The following LRMDA variants were observed in gnomAD, a reference collection of about 807,000 sequenced individuals.
The protein encoded by LRMDA is leucine-rich melanocyte differentiation-associated protein.
Under a neutral mutation model 29.8 loss-of-function variants are expected in LRMDA, and 18 were observed. The ratio of observed to expected loss-of-function variants is 0.60; its 90% confidence interval spans 0.42 to 0.90. The LOEUF is 0.90. LRMDA is among the 40% of genes least tolerant of loss of function. LRMDA has a pLI of 0.00. For synonymous variants in LRMDA, 125 were observed against 109.4 expected (o/e 1.14, Z -0.89); for missense variants, 273 against 273.9 (o/e 1.00, Z 0.02).
intron 2 of LRMDA, among the ~76,000 whole-genome samples, chr10:75,925,697 C>T (rs1388990181): frequency 5.8e-5 from 8 of 138,076 alleles, no homozygotes; most frequent in South Asian, 5.0e-4. Flanking sequence ...GACAGAGTCT[C>T]GCTGGAGTGC....
At chr10:76,162,976 C>T (rs761229023) in intron 5 of LRMDA, among the ~76,000 whole-genome samples, 2 of 152,116 alleles carry the variant, frequency 1.3e-5, no homozygotes, top group Non-Finnish European at 2.9e-5. Context: ...TGCTATAATT[C>T]CAGATTTTAA....
At chr10:75,890,506 C>T (rs1040807620) in intron 2 of LRMDA, among the ~76,000 whole-genome samples, 2 of 145,508 alleles carry the variant, frequency 1.4e-5, no homozygotes, top group Admixed American at 1.4e-4. Flanking sequence ...TATATGAAGC[C>T]GATCCAGGGT....
chr10:75,558,698 C>T (rs1840249446), intron 2 of LRMDA, among the ~76,000 whole-genome samples: 1 of 148,658 alleles, frequency 6.7e-6, no homozygotes, highest in Admixed American at 6.8e-5. Flanking sequence ...CACCCCACAA[C>T]AGTCCCCAGA....
chr10:75,959,521 A>ACG, intron 2 of LRMDA, among the ~76,000 whole-genome samples: 1 of 123,488 alleles, frequency 8.1e-6, no homozygotes, highest in Non-Finnish European at 1.5e-5. Flanking sequence ...GTGCATGCAC[A>ACG]CACACACACA....
intron 6 of LRMDA, among the ~76,000 whole-genome samples, chr10:76,329,944 G>A (rs762658108): frequency 4.7e-4 from 72 of 152,102 alleles, no homozygotes; most frequent in East Asian, 1.2e-3. Flanking sequence ...TCATTAAATC[G>A]CCAAAGTGAA....
chr10:76,415,955 A>T (rs2132514170), intron 6 of LRMDA, among the ~76,000 whole-genome samples: 1 of 152,316 alleles, frequency 6.6e-6, no homozygotes, highest in African/African-American at 2.4e-5. Flanking sequence ...GTAGGCTTTT[A>T]ATCAGCTCAC....
chr10:76,212,618 C>T (rs1452737854), intron 5 of LRMDA, among the ~76,000 whole-genome samples: 2 of 152,150 alleles, frequency 1.3e-5, no homozygotes, highest in Admixed American at 6.5e-5. Flanking sequence ...GGCAAAGAAG[C>T]TTCATGTTTT....
chr10:75,782,583 G>A (rs1402668262), intron 2 of LRMDA, among the ~76,000 whole-genome samples: 1 of 152,132 alleles, frequency 6.6e-6, no homozygotes, highest in African/African-American at 2.4e-5. Flanking sequence ...GGTCGGCCAG[G>A]GTGCTGCAAT....
intron 1 of LRMDA, 23 bp downstream of exon 1, chr10:75,431,777 TCCGCC>T: frequency 7.4e-7 from 1 of 1,358,140 alleles, no homozygotes; most frequent in Non-Finnish European, 9.5e-7. Flanking sequence ...CAGCCCCGCC[TCCGCC>T]CGGGGCGCAG....
rs1589362543 is a variant in LRMDA, at chr10:76,171,697, A to AGT, written c.516+112915_516+112916insTG. 3.9e-5 allele frequency among the ~76,000 whole-genome samples: 6 copies of AGT among 152,230 alleles called. No individual in the cohort carries two copies. In the East Asian group the frequency reaches 1.2e-3, roughly 29 times the overall value. ...AAGTTGGTGCTTCTCTTTAGGGCAT[A>AGT]GCACCAACGTCTTCTTGTGAGTGTA... is the stretch of plus-strand genomic sequence containing the variant. On this transcript the variant is annotated intron_variant, in intron 5 of 6. Coordinates refer to ENST00000611255, the MANE Select transcript of LRMDA (RefSeq NM_001305581.2).
intron 6 of LRMDA, among the ~76,000 whole-genome samples, chr10:76,490,667 T>A (rs572334891): frequency 6.6e-6 from 1 of 152,148 alleles, no homozygotes; most frequent in East Asian, 1.9e-4. Context: ...AGTCTATGTA[T>A]GTCTTTATAG....
intron 2 of LRMDA, among the ~76,000 whole-genome samples, chr10:75,933,308 C>T (rs1300034818): frequency 1.3e-5 from 2 of 152,302 alleles, no homozygotes; most frequent in East Asian, 1.9e-4. Context: ...ACTCCACGCT[C>T]ATCCATGGAA....
chr10:76,306,218 G>C (rs984629176), intron 5 of LRMDA, among the ~76,000 whole-genome samples: 2 of 152,118 alleles, frequency 1.3e-5, no homozygotes, highest in Admixed American at 6.6e-5. Context: ...CAGCCCTTTT[G>C]GAATTCCAAA....
At chr10:75,835,995 T>C (rs1368166584) in intron 2 of LRMDA, among the ~76,000 whole-genome samples, 2 of 152,176 alleles carry the variant, frequency 1.3e-5, no homozygotes, top group African/African-American at 2.4e-5. Flanking sequence ...AAAAGCATTA[T>C]CAAGCACAGT....
intron 1 of LRMDA, among the ~76,000 whole-genome samples, chr10:75,432,938 A>C (rs986373224): frequency 6.6e-6 from 1 of 152,064 alleles, no homozygotes; most frequent in Non-Finnish European, 1.5e-5. Context: ...CCCCCCATTT[A>C]ACAGTTTTGT....
At chr10:75,555,585 A>G (rs1840203357) in intron 2 of LRMDA, among the ~76,000 whole-genome samples, 1 of 152,208 alleles carries the variant, frequency 6.6e-6, no homozygotes, top group African/African-American at 2.4e-5. Context: ...TAGGGGAGAC[A>G]GTGTTTTGCA....
At chr10:76,367,405 GTTGTT>G (rs1841403484) in intron 6 of LRMDA, among the ~76,000 whole-genome samples, 1 of 143,538 alleles carries the variant, frequency 7.0e-6, no homozygotes, top group Admixed American at 7.2e-5. Context: ...TGTTGTTGTT[GTTGTT>G]TTAATTTTTT....
intron 2 of LRMDA, among the ~76,000 whole-genome samples, chr10:75,945,880 G>A: frequency 6.6e-6 from 1 of 152,088 alleles, no homozygotes; most frequent in East Asian, 1.9e-4. Flanking sequence ...GGGGAAATAA[G>A]TTCAGAGAGG....
rs559197851 is a variant in LRMDA at position 76,305,771 on chromosome 10, A to T, written c.517-18630A>T. Among the ~76,000 whole-genome samples, 34 of 152,310 alleles carry T rather than the reference A, an allele frequency of 2.2e-4. 1 individual carries two copies. In the South Asian group the frequency reaches 2.9e-3, roughly 13 times the overall value. On this transcript the variant is annotated intron_variant, in intron 5 of 6. Transcript: ENST00000611255. Reference sequence around the variant, plus strand: ...CTCTCAAGGAAATAGCTTCACACATATGTATACGTTTAGATGAATGAAACT... The same window carrying T: ...CTCTCAAGGAAATAGCTTCACACATTTGTATACGTTTAGATGAATGAAACT...
Sources: allele counts gnomAD v4.1 joint callset (sites outside exome capture counted in the v4.1 genomes callset), GRCh38; gene constraint gnomAD v4.1.1; transcripts MANE v1.5; gene names NCBI Gene and HGNC (gene_info 2026-07-23, HGNC 2026-07-21).